Variants in SORCS2 observed in about 807,000 individuals in gnomAD.
The protein encoded by SORCS2 is sortilin related VPS10 domain containing receptor 2.
Under a neutral mutation model 141.6 loss-of-function variants are expected in SORCS2, and 100 were observed. The ratio of observed to expected loss-of-function variants is 0.71; its 90% CI spans 0.60 to 0.83. The LOEUF (loss-of-function observed/expected upper bound fraction) is 0.83, where lower values mean the gene tolerates loss of function less well. Among genes scored for constraint, SORCS2 ranks in the 40% least tolerant of loss-of-function variants. SORCS2 has a pLI of 0.00. For synonymous variants in SORCS2, 789 were observed against 676.9 expected, an observed-to-expected ratio of 1.17 and a Z score of -2.57; for missense variants, 1,646 against 1,560.2, an observed-to-expected ratio of 1.05 and a Z score of -0.93.
intron 1 of SORCS2, among the ~76,000 whole-genome samples, chr4:7,376,996 T>C (rs1171881608): frequency 6.6e-6 from 1 of 150,822 alleles, no homozygotes; most frequent in Non-Finnish European, 1.5e-5. Flanking sequence ...GGATTCGGGC[T>C]GTGAAAGTGG....
chr4:7,414,932 G>GGTTTT (rs774124237), intron 2 of SORCS2, among the ~76,000 whole-genome samples: 5,197 of 152,100 alleles, frequency 0.034, 148 homozygotes, highest in Admixed American at 0.046. Flanking sequence ...AACGGGGTTG[G>GGTTTT]GTGAGGAGCC....
chr4:7,444,677 T>C lies in SORCS2; in HGVS notation c.548+48322T>C, dbSNP rs1194022474. On this transcript the variant is annotated intron_variant, in intron 2 of 26. Transcript: ENST00000507866. Reference sequence around the variant, plus strand: ...TGAGCAGAGGGCTGACATGATCCCATGGTGCTTCTAAAAGGATGGATCTGG... The same window carrying C: ...TGAGCAGAGGGCTGACATGATCCCACGGTGCTTCTAAAAGGATGGATCTGG... 2.0e-5 allele frequency among the ~76,000 whole-genome samples: 3 copies of C among 152,104 alleles called. No individual in the cohort carries two copies. The South Asian group carries it at 6.2e-4, about 32-fold the overall frequency.
At chr4:7,655,102 T>C (rs1286158995) in intron 5 of SORCS2, among the ~76,000 whole-genome samples, 1 of 152,182 alleles carries the variant, frequency 6.6e-6, no homozygotes, top group Non-Finnish European at 1.5e-5. Flanking sequence ...CCTGCCTCTC[T>C]CCTGCTGGGG....
intron 2 of SORCS2, among the ~76,000 whole-genome samples, chr4:7,496,189 A>T (rs1047071226): frequency 2.6e-5 from 4 of 152,108 alleles, no homozygotes; most frequent in African/African-American, 9.7e-5. Context: ...GACCAAAGCA[A>T]CCTGACTCCC....
intron 2 of SORCS2, among the ~76,000 whole-genome samples, chr4:7,482,107 A>G (rs571688692): frequency 2.0e-4 from 6 of 30,716 alleles, no homozygotes; most frequent in African/African-American, 3.0e-4. Flanking sequence ...CTGTATCCCC[A>G]CTGCGGACAC....
intron 2 of SORCS2, among the ~76,000 whole-genome samples, chr4:7,483,491 T>C (rs1730783846): frequency 6.6e-6 from 1 of 152,018 alleles, no homozygotes; most frequent in East Asian, 1.9e-4. Context: ...GGGAGGCACG[T>C]GGTACTGTTG....
At chr4:7,266,000 T>G (rs976582037) in intron 1 of SORCS2, among the ~76,000 whole-genome samples, 6 of 152,194 alleles carry the variant, frequency 3.9e-5, no homozygotes, top group Non-Finnish European at 7.3e-5. Flanking sequence ...TCTTCCTCCG[T>G]GTCATCCTAC....
chr4:7,697,141 A>G, intron 11 of SORCS2, 57 bp from the exon 12 acceptor site: 2 of 1,449,696 alleles, frequency 1.4e-6, no homozygotes, highest in South Asian at 1.2e-5. Flanking sequence ...CAGACTTGTT[A>G]AAGGGGTAAA....
intron 1 of SORCS2, chr4:7,310,353 C>T (rs1718107538): frequency 6.5e-6 from 1 of 154,216 alleles, no homozygotes; most frequent in South Asian, 2.0e-4. Context: ...GGAGTGACAC[C>T]AGCAGGGCCA....
Position 7,255,527 on chromosome 4 carries a change from G to C in SORCS2, c.480+62401G>C, listed in dbSNP as rs546600747. ...GGGGGTCCAGCCCTTCTGAGTGGAT[G>C]GATTGCTTGAGCCTGAAGCCTGATG... On this transcript the variant is annotated intron_variant, in intron 1 of 26. Transcript: ENST00000507866. Among the ~76,000 whole-genome samples, 11 of 152,250 alleles carry C rather than the reference G, an allele frequency of 7.2e-5. No homozygotes were observed. In the South Asian group the frequency reaches 2.3e-3, roughly 32 times the overall value.
At chr4:7,224,441 G>A (rs1577295560) in intron 1 of SORCS2, among the ~76,000 whole-genome samples, 1 of 151,760 alleles carries the variant, frequency 6.6e-6, no homozygotes, top group Admixed American at 6.6e-5. Context: ...CTTTGGCCAA[G>A]TCGTGTCCTC....
At chr4:7,680,619 AT>A (rs1206207417) in intron 9 of SORCS2, among the ~76,000 whole-genome samples, 1 of 152,236 alleles carries the variant, frequency 6.6e-6, no homozygotes, top group African/African-American at 2.4e-5. Flanking sequence ...ACAGCATCCT[AT>A]GCAGATAATA....
chr4:7,712,004 A>G (rs986196114), intron 14 of SORCS2, among the ~76,000 whole-genome samples: 15 of 152,116 alleles, frequency 9.9e-5, no homozygotes, highest in African/African-American at 3.6e-4. Flanking sequence ...GCTCTACCCC[A>G]GCCCATGGAG....
At chr4:7,569,168 T>A (rs150162273) in intron 3 of SORCS2, among the ~76,000 whole-genome samples, 381 of 152,322 alleles carry the variant, frequency 2.5e-3, no homozygotes, top group Admixed American at 6.3e-3. Flanking sequence ...CAGAAGTGAT[T>A]ACGGCAGGAA....
In SORCS2 at chr4:7,434,462, A is replaced by G; in HGVS notation, c.548+38107A>G. 1.2e-6 allele frequency: 2 copies of G among 1,611,282 alleles called. No homozygotes were observed. The highest frequency in any genetic ancestry group is 1.7e-6 in the Non-Finnish European group (2 of 1,179,512). ...GCCAGGTGCCTCTGCAGCGGCTCAC[A>G]GAGGCTGAGCGCTGTGCACACCTGT... is the stretch of plus-strand genomic sequence containing the variant. On this transcript the variant is annotated intron_variant, in intron 2 of 26. Coordinates refer to ENST00000507866, the MANE Select transcript of SORCS2 (RefSeq NM_020777.3).
chr4:7,350,899 G>T (rs1484882920), intron 1 of SORCS2, among the ~76,000 whole-genome samples: 1 of 152,152 alleles, frequency 6.6e-6, no homozygotes, highest in African/African-American at 2.4e-5. Flanking sequence ...TGGGACAGGG[G>T]CCCACCCAAC....
rs111919995 is a variant in SORCS2 at position 7,233,088 on chromosome 4, T to G, written c.480+39962T>G. ...CAGGAGTCAGGCTTCGGCACCCGCA[T>G]GTTCAACTACTGCCTTCCTGATGGA... On this transcript the variant is annotated intron_variant, in intron 1 of 26. Transcript: ENST00000507866. This position sits in a 1 kb window ranked among gnomAD's most constrained non-coding sequence, Gnocchi z 4.5. Among the ~76,000 whole-genome samples the G allele has an allele frequency of 1.2e-3, 190 of 152,254 alleles. No homozygotes were observed. Among genetic ancestry groups the G allele is most frequent in the African/African-American group, 4.5e-3 (187 of 41,554 alleles).
intron 1 of SORCS2, among the ~76,000 whole-genome samples, chr4:7,354,103 C>G (rs181222622): frequency 7.2e-5 from 11 of 152,288 alleles, no homozygotes; most frequent in African/African-American, 2.6e-4. Context: ...GTTGAGATCT[C>G]TTTCTTCTGT....
At chr4:7,210,940 C>T (rs1204632836) in intron 1 of SORCS2, among the ~76,000 whole-genome samples, 1 of 152,174 alleles carries the variant, frequency 6.6e-6, no homozygotes, top group Non-Finnish European at 1.5e-5. Flanking sequence ...CTCAGTGACC[C>T]CACAGGGCTC....
Sources: gnomAD v4.1 joint callset for allele counts (sites outside exome capture counted in the v4.1 genomes callset) on GRCh38, gnomAD v4.1.1 for gene constraint, Gnocchi (gnomAD v3.1) non-coding constraint, MANE v1.5 for transcripts, NCBI Gene and HGNC (gene_info 2026-07-23, HGNC 2026-07-21) for gene names.